Variants in NCOA7 observed in about 807,000 individuals in gnomAD.
NCOA7 encodes the protein nuclear receptor coactivator 7, also known as 140 kDa estrogen receptor-associated protein.
In NCOA7, 45 loss-of-function variants were observed where a neutral mutation model predicts 104.3. The ratio of observed to expected loss-of-function variants is 0.43; its 90% confidence interval spans 0.34 to 0.55. The LOEUF (loss-of-function observed/expected upper bound fraction) is 0.55, where lower values mean the gene tolerates loss of function less well. NCOA7 is among the 20% of genes least tolerant of loss of function. The pLI, the probability that NCOA7 is intolerant of heterozygous loss-of-function variation, is 0.02. For missense variants in NCOA7, 1,041 were observed against 1,119.7 expected (o/e 0.93, Z 1.00); for synonymous variants, 398 against 402.3 (o/e 0.99, Z 0.13).
At position 125,928,878 on chromosome 6, in the gene NCOA7, A is replaced by G; in HGVS notation, c.*107A>G. On this transcript the variant is annotated 3_prime_UTR_variant, in exon 16 of 16. Transcript: ENST00000392477. Reference sequence around the variant, plus strand: ...AGCCCAGCCTGCCTCATCCCACCCCAATGCTTCCTTTCTGCCATCATCTCA... The same window carrying G: ...AGCCCAGCCTGCCTCATCCCACCCCGATGCTTCCTTTCTGCCATCATCTCA... 8.2e-7 allele frequency: 1 copy of G among 1,221,408 alleles called. No individual in the cohort carries two copies. The highest frequency in any genetic ancestry group is 1.1e-6 in the Non-Finnish European group (1 of 887,320). 75.7% of individuals were successfully genotyped at this position (1,221,408 alleles called of 1,614,324 possible).
chr6:125,916,359 T>C (rs1787085957), intron 11 of NCOA7, among the ~76,000 whole-genome samples: 1 of 152,194 alleles, frequency 6.6e-6, no homozygotes, highest in Admixed American at 6.5e-5. Context: ...AGCATCTTTA[T>C]AGCAGTGTGA....
chr6:125,826,266 G>A (rs1778647276), intron 2 of NCOA7, among the ~76,000 whole-genome samples: 1 of 151,838 alleles, frequency 6.6e-6, no homozygotes, highest in Non-Finnish European at 1.5e-5. Flanking sequence ...GGCAGAGGTT[G>A]CAGTGAGTGA....
In NCOA7 at chr6:125,856,064, A is replaced by G. The variant is rs1055717386; in HGVS notation, c.271+824A>G. On this transcript the variant is annotated intron_variant, in intron 3 of 15. Transcript: ENST00000392477. Reference sequence around the variant, plus strand: ...TCACCCATCTCACACCTACTGTTCTATCACATGCATACATGGATTTTGTTT... The same window carrying G: ...TCACCCATCTCACACCTACTGTTCTGTCACATGCATACATGGATTTTGTTT... Among the ~76,000 whole-genome samples, 5 of 152,208 alleles carry G rather than the reference A, an allele frequency of 3.3e-5. No individual in the cohort carries two copies. The East Asian group carries it at 9.6e-4, about 29-fold the overall frequency.
intron 11 of NCOA7, among the ~76,000 whole-genome samples, chr6:125,919,068 T>C (rs1041166903): frequency 1.3e-5 from 2 of 150,428 alleles, no homozygotes; most frequent in African/African-American, 4.9e-5. Context: ...AACAATGGGG[T>C]TTTATCATAG....
intron 4 of NCOA7, among the ~76,000 whole-genome samples, chr6:125,876,670 G>A (rs1783403583): frequency 6.6e-6 from 1 of 151,796 alleles, no homozygotes; most frequent in South Asian, 2.1e-4. Context: ...AATAATGCAG[G>A]TATGCCTACC....
chr6:125,913,260 G>A (rs953068855), intron 10 of NCOA7, among the ~76,000 whole-genome samples: 5 of 152,200 alleles, frequency 3.3e-5, no homozygotes, highest in African/African-American at 9.7e-5. Flanking sequence ...GCTGGAGACT[G>A]GGGAAAGAGT....
chr6:125,908,285 A>G (rs553995740), intron 10 of NCOA7, among the ~76,000 whole-genome samples: 1 of 152,236 alleles, frequency 6.6e-6, no homozygotes, highest in Non-Finnish European at 1.5e-5. Context: ...GTTAAACCTA[A>G]GAAACACACA....
intron 3 of NCOA7, among the ~76,000 whole-genome samples, chr6:125,866,549 T>C (rs907060523): frequency 2.0e-5 from 3 of 152,134 alleles, no homozygotes; most frequent in African/African-American, 7.2e-5. Context: ...GGTAACTCTT[T>C]GGGAATCCAG....
At chr6:125,842,137 C>T (rs1352846669) in intron 2 of NCOA7, among the ~76,000 whole-genome samples, 1 of 152,188 alleles carries the variant, frequency 6.6e-6, no homozygotes, top group Non-Finnish European at 1.5e-5. Context: ...TTCTGCTGAT[C>T]ATAAACTATG....
At chr6:125,831,526 C>G (rs142318167) in intron 2 of NCOA7, among the ~76,000 whole-genome samples, 1 of 145,870 alleles carries the variant, frequency 6.9e-6, no homozygotes, top group Admixed American at 6.9e-5. Context: ...CTCAGTGATT[C>G]TTTTGAGATT....
rs75662578 is a variant in NCOA7, at chr6:125,833,158, T to C, written c.50+17754T>C. 9.5e-3 allele frequency among the ~76,000 whole-genome samples: 1,449 copies of C among 152,296 alleles called. 14 individuals are homozygous for C. The highest frequency in any genetic ancestry group is 0.033 in the African/African-American group (1,377 of 41,544). ...TGAATTTGAAGTCATAAATTGTAAG[T>C]GATTTGCATAGTTTAACCTCATTAA... On this transcript the variant is annotated intron_variant, in intron 2 of 15. Coordinates refer to ENST00000392477, the MANE Select transcript of NCOA7 (RefSeq NM_181782.5).
At chr6:125,870,836 G>C (rs559346367) in intron 3 of NCOA7, among the ~76,000 whole-genome samples, 1 of 152,236 alleles carries the variant, frequency 6.6e-6, no homozygotes, top group Non-Finnish European at 1.5e-5. Flanking sequence ...CTTATGGACA[G>C]GGCACCAAGA....
At chr6:125,810,456 C>G (rs146760679) in intron 1 of NCOA7, 5 of 152,262 alleles carry the variant, frequency 3.3e-5, no homozygotes, top group Admixed American at 1.3e-4. Flanking sequence ...GAAGATTCAT[C>G]TTGTGCTTTC....
At chr6:125,797,683 G>A (rs1451645075) in intron 1 of NCOA7, among the ~76,000 whole-genome samples, 1 of 152,160 alleles carries the variant, frequency 6.6e-6, no homozygotes, top group African/African-American at 2.4e-5. Context: ...TGTCACCCCT[G>A]CAGTATGGGA....
intron 2 of NCOA7, among the ~76,000 whole-genome samples, chr6:125,852,700 C>T (rs1029336120): frequency 6.6e-6 from 1 of 152,058 alleles, no homozygotes; most frequent in Non-Finnish European, 1.5e-5. Context: ...TATGCTCTGT[C>T]GAAGATCAGT....
chr6:125,876,873 T>C, intron 4 of NCOA7, among the ~76,000 whole-genome samples: 1 of 152,142 alleles, frequency 6.6e-6, no homozygotes, highest in Admixed American at 6.5e-5. Flanking sequence ...GATACCAACA[T>C]CCCTCTCGGG....
In NCOA7 at chr6:125,889,713, A is replaced by T; in HGVS notation, c.1659A>T (p.Pro553=). 6.2e-7 allele frequency: 1 copy of T among 1,614,068 alleles called. No homozygotes were observed. Among genetic ancestry groups the T allele is most frequent in the African/African-American group, 1.3e-5 (1 of 75,070 alleles). Residue 553 remains proline, a synonymous_variant, in exon 9 of 16, where the codon CCA becomes CCT. Transcript: ENST00000392477. ...TAAGTGATGGAAAAAGTATTGAACC[A>T]GGGGGAATAGACATTACCCTTAGTA... ...TELSDGKSIE[P]GGIDITLSSS...
chr6:125,882,289 C>A, intron 6 of NCOA7, 137 bp from the exon 7 acceptor site: 1 of 792,794 alleles, frequency 1.3e-6, no homozygotes, highest in Non-Finnish European at 2.0e-6. Context: ...TTTTGAAGGA[C>A]AGAGGATATT....
intron 1 of NCOA7, chr6:125,802,536 A>G (rs934625741): frequency 1.2e-4 from 18 of 152,222 alleles, no homozygotes; most frequent in African/African-American, 4.3e-4. Flanking sequence ...CAATATGAAT[A>G]TGACTGTTAA....
Sources: gnomAD v4.1 joint callset for allele counts (sites outside exome capture counted in the v4.1 genomes callset) on GRCh38, gnomAD v4.1.1 for gene constraint, MANE v1.5 for transcripts, NCBI Gene and HGNC (gene_info 2026-07-23, HGNC 2026-07-21) for gene names.